The following IL16 variants were observed in gnomAD, a reference collection of about 807,000 sequenced individuals.
IL16 encodes the protein interleukin 16, also known as pro-interleukin-16.
In IL16, 67 loss-of-function variants were observed where a neutral mutation model predicts 110.1. The ratio of observed to expected loss-of-function variants is 0.61; its 90% CI spans 0.50 to 0.75. The LOEUF (loss-of-function observed/expected upper bound fraction) is 0.75, where lower values mean the gene tolerates loss of function less well. Among genes scored for constraint, IL16 ranks in the 30% least tolerant of loss-of-function variants. The probability of loss-of-function intolerance (pLI) is 0.00; values close to 1 mark genes in which losing one functional copy is unlikely to be tolerated. For synonymous variants in IL16, 689 were observed against 662.9 expected (o/e 1.04, Z -0.61); for missense variants, 1,545 against 1,655.0 (o/e 0.93, Z 1.15).
chr15:81,277,111 G>C (rs1002482474), intron 6 of IL16, among the ~76,000 whole-genome samples: 3 of 152,086 alleles, frequency 2.0e-5, no homozygotes, highest in African/African-American at 7.2e-5. Flanking sequence ...AAAACTCAAT[G>C]GATGGCTTAA....
intron 2 of IL16, among the ~76,000 whole-genome samples, chr15:81,233,459 C>G (rs1033591352): frequency 1.4e-5 from 2 of 143,464 alleles, no homozygotes; most frequent in East Asian, 4.1e-4. Flanking sequence ...TCTTCTCTTT[C>G]TGTGTGTGTG....
intron 16 of IL16, among the ~76,000 whole-genome samples, chr15:81,304,697 CT>C: frequency 6.6e-6 from 1 of 152,122 alleles, no homozygotes; most frequent in South Asian, 2.1e-4. Context: ...CTTTAATTAA[CT>C]TTAATCTTCG....
At chr15:81,244,861 C>A (rs1897481440) in intron 2 of IL16, among the ~76,000 whole-genome samples, 1 of 151,932 alleles carries the variant, frequency 6.6e-6, no homozygotes, top group Non-Finnish European at 1.5e-5. Flanking sequence ...CATTTTTTTC[C>A]CAGTCTATTT....
intron 1 of IL16, among the ~76,000 whole-genome samples, chr15:81,215,835 G>A (rs138416017): frequency 1.3e-5 from 2 of 152,160 alleles, no homozygotes; most frequent in Non-Finnish European, 2.9e-5. Flanking sequence ...CTGCTGTACT[G>A]TGGCCCTGGG....
At chr15:81,196,709 A>T (rs1178078967), upstream of IL16, among the ~76,000 whole-genome samples, 2 of 152,200 alleles carry the variant, frequency 1.3e-5, no homozygotes, top group East Asian at 3.9e-4. Context: ...GTGGCTCTGC[A>T]CTGGGTTTGC....
intron 10 of IL16, among the ~76,000 whole-genome samples, chr15:81,288,323 C>A (rs141520656): frequency 6.6e-6 from 1 of 152,318 alleles, no homozygotes; most frequent in African/African-American, 2.4e-5. Context: ...TTCCTCAACT[C>A]TGACATAGGG....
At chr15:81,267,564 G>A (rs1898447816) in intron 4 of IL16, among the ~76,000 whole-genome samples, 1 of 151,910 alleles carries the variant, frequency 6.6e-6, no homozygotes, top group Non-Finnish European at 1.5e-5. Context: ...ATGAAGGTAG[G>A]CAGGTTCCAA....
At chr15:81,235,339 T>C (rs1458071161) in intron 2 of IL16, among the ~76,000 whole-genome samples, 6 of 152,148 alleles carry the variant, frequency 3.9e-5, no homozygotes, top group Admixed American at 1.3e-4. Context: ...AGGAAGCTTT[T>C]ACTCATGATG....
In IL16 at chr15:81,313,310, G is replaced by A. The variant is rs150403894; in HGVS notation, c.*4512G>A. ...GAAGGTTGGCATAAAACCGGGTCAT[G>A]CTGCGGGGGAAGAAGGAGTCCACCA... On this transcript the variant is annotated 3_prime_UTR_variant, in exon 19 of 19. Transcript: ENST00000683961. 17 of 1,579,716 alleles carry A rather than the reference G, an allele frequency of 1.1e-5. No individual in the cohort carries two copies. In the African/African-American group the frequency reaches 1.2e-4, roughly 11 times the overall value.
intron 12 of IL16, among the ~76,000 whole-genome samples, chr15:81,294,738 C>T (rs756992281): frequency 3.9e-5 from 6 of 152,104 alleles, no homozygotes; most frequent in Non-Finnish European, 8.8e-5. Flanking sequence ...GCAATCAGCA[C>T]GACATAATTT....
At chr15:81,248,719 CTTTT>C (rs61480285) in intron 2 of IL16, among the ~76,000 whole-genome samples, 2 of 112,240 alleles carry the variant, frequency 1.8e-5, no homozygotes, top group African/African-American at 3.5e-5. Context: ...TTCTTTCTTT[CTTTT>C]TTTTTTTTTT....
rs905299724 is a variant in IL16, at chr15:81,292,471, GC to G, written c.1421-82del. The G allele has an allele frequency of 5.1e-6, 8 of 1,578,792 alleles. No homozygotes were observed. The African/African-American group carries it at 9.4e-5, about 19-fold the overall frequency. ...GCAGATGGCCGATGTGCAGTGTGCT[GC>G]CCGTGGCAGTCACAGGTGAGGCCAG... On this transcript the variant is annotated intron_variant, in intron 11 of 18. Transcript: ENST00000683961.
intron 1 of IL16, among the ~76,000 whole-genome samples, chr15:81,204,950 A>C (rs187197170): frequency 6.6e-6 from 1 of 152,094 alleles, no homozygotes. Context: ...TTGACAGGCC[A>C]CAAAACAAGA....
intron 18 of IL16, 37 bp from the exon 19 acceptor site, chr15:81,308,568 T>A (rs374851467): frequency 2.0e-6 from 3 of 1,480,014 alleles, no homozygotes; most frequent in Non-Finnish European, 2.8e-6. Context: ...TTGTTCCCCA[T>A]CATCTGTGGA....
chr15:81,274,329 G>A (rs1373529477), intron 6 of IL16, among the ~76,000 whole-genome samples: 1 of 152,164 alleles, frequency 6.6e-6, no homozygotes, highest in African/African-American at 2.4e-5. Flanking sequence ...TATGATATGT[G>A]GAAATGAAAT....
chr15:81,304,763 G>A (rs1031322873), intron 16 of IL16, among the ~76,000 whole-genome samples: 15 of 152,278 alleles, frequency 9.9e-5, no homozygotes, highest in African/African-American at 3.6e-4. Context: ...GAGAGGTTCT[G>A]CTTCATGCTT....
rs553307484 is a variant in IL16 at position 81,299,582 on chromosome 15, C to A, written c.2256C>A (p.Gly752=). 16 of 1,614,200 alleles carry A rather than the reference C, an allele frequency of 9.9e-6. No individual in the cohort carries two copies. In the South Asian group the frequency reaches 1.6e-4, roughly 17 times the overall value. The change falls in exon 14 of 19, where the codon GGC becomes GGA. Residue 752 remains glycine (G), a synonymous_variant. Coordinates refer to ENST00000683961, the MANE Select transcript of IL16 (RefSeq NM_172217.5). ...TGAATGAAGAAGAAGGGACACAGGG[C>A]CACCCAGATGGGACCCCACCAAAGC... ...ASLNEEEGTQ[G]HPDGTPPKLD... is the part of the protein sequence containing the mutation.
At chr15:81,299,164 A>G in intron 13 of IL16, 1 of 732,646 alleles carries the variant, frequency 1.4e-6, no homozygotes, top group Non-Finnish European at 2.4e-6. Flanking sequence ...ACACTAGGAT[A>G]CTGTGAGATT....
chr15:81,229,866 A>G (rs1172097752), intron 2 of IL16, among the ~76,000 whole-genome samples: 16 of 152,178 alleles, frequency 1.1e-4, no homozygotes, highest in Admixed American at 1.0e-3. Context: ...GGTTACACTG[A>G]TTTCAAAACA....
Sources: gnomAD v4.1 joint callset for allele counts (sites outside exome capture counted in the v4.1 genomes callset) on GRCh38, gnomAD v4.1.1 for gene constraint, MANE v1.5 for transcripts, NCBI Gene and HGNC (gene_info 2026-07-23, HGNC 2026-07-21) for gene names.